SORBS2: variants seen among roughly 807,000 people sequenced by gnomAD.
SORBS2 encodes the protein sorbin and SH3 domain-containing protein 2.
SORBS2 carries 46 observed loss-of-function variants against 97.7 expected under a neutral mutation model. The ratio of observed to expected loss-of-function variants is 0.47; its 90% confidence interval spans 0.37 to 0.60. The LOEUF is 0.60. Among genes scored for constraint, SORBS2 ranks in the 20% least tolerant of loss-of-function variants. The pLI is 0.00. For synonymous variants in SORBS2, 476 were observed against 473.4 expected (o/e 1.01, Z -0.07); for missense variants, 1,316 against 1,282.3 (o/e 1.03, Z -0.40).
chr4:185,713,916 T>C (rs2153550944), intron 2 of SORBS2, among the ~76,000 whole-genome samples: 1 of 152,368 alleles, frequency 6.6e-6, no homozygotes, highest in Non-Finnish European at 1.5e-5. Context: ...CTTTGGACTC[T>C]GACCATTAGC....
At chr4:185,738,793 C>A (rs1003917256) in intron 2 of SORBS2, among the ~76,000 whole-genome samples, 4 of 152,210 alleles carry the variant, frequency 2.6e-5, no homozygotes, top group Admixed American at 6.5e-5. Flanking sequence ...GTGACTCTCA[C>A]AAAGTTCAGG....
chr4:185,827,873 TCGTCACCATCATCAG>T (rs1194082155), intron 1 of SORBS2, among the ~76,000 whole-genome samples: 1 of 145,606 alleles, frequency 6.9e-6, no homozygotes, highest in Non-Finnish European at 1.5e-5. Flanking sequence ...ATCATCATCA[TCGTCACCATCATCAG>T]CGTCACCATC....
chr4:185,803,897 G>A (rs1454191682), intron 1 of SORBS2, among the ~76,000 whole-genome samples: 3 of 152,154 alleles, frequency 2.0e-5, no homozygotes, highest in African/African-American at 7.2e-5. Context: ...TGGTTTCTCT[G>A]ACAAAGAAGA....
At chr4:185,858,327 C>T (rs1481444746) in intron 1 of SORBS2, among the ~76,000 whole-genome samples, 2 of 152,218 alleles carry the variant, frequency 1.3e-5, no homozygotes, top group East Asian at 3.9e-4. Context: ...CCTCACCAGT[C>T]TTGGACTTCC....
At chr4:185,656,852 T>C in exon 1 of SORBS2, 4 of 1,333,982 alleles carry the variant, frequency 3.0e-6, no homozygotes, top group Non-Finnish European at 3.8e-6. Context: ...CCAGGAGAGC[T>C]CTCAGCAGGC....
chr4:185,612,459 C>T lies in SORBS2; in HGVS notation c.2596-479G>A, dbSNP rs140553104. ...AAAACACCTCTAGAAGGGAGAACAT[C>T]GAATGGTACACCGTTTTCTTTTTTT... On this transcript the variant is annotated intron_variant, in intron 11 of 14. Coordinates refer to ENST00000418609, the Ensembl canonical transcript of SORBS2. Among the ~76,000 whole-genome samples, 342 of 151,446 alleles carry T rather than the reference C, an allele frequency of 2.3e-3. 2 individuals are homozygous for T. Among genetic ancestry groups the T allele is most frequent in the African/African-American group, 7.8e-3 (323 of 41,280 alleles).
At chr4:185,826,529 T>C (rs2099199911) in intron 1 of SORBS2, among the ~76,000 whole-genome samples, 1 of 152,210 alleles carries the variant, frequency 6.6e-6, no homozygotes, top group Non-Finnish European at 1.5e-5. Context: ...TGTGAGCTAC[T>C]GAGGATATGC....
chr4:185,665,966 G>A, intron 4 of SORBS2: 1 of 1,260,162 alleles, frequency 7.9e-7, no homozygotes, highest in South Asian at 1.3e-5. Context: ...GGAGCTGGGA[G>A]CAGGTGTTTG....
At chr4:185,925,579 G>A (rs1476450161) in intron 1 of SORBS2, among the ~76,000 whole-genome samples, 1 of 152,082 alleles carries the variant, frequency 6.6e-6, no homozygotes, top group Non-Finnish European at 1.5e-5. Flanking sequence ...ATTTGTTCAT[G>A]TCTATTTAAA....
intron 1 of SORBS2, among the ~76,000 whole-genome samples, chr4:185,827,288 C>T (rs62652495): frequency 0.11 from 124 of 1,116 alleles, no homozygotes; most frequent in East Asian, 0.29. Context: ...ATCATCATCA[C>T]CATCATCATC....
chr4:185,841,445 C>G (rs72705748), intron 1 of SORBS2, among the ~76,000 whole-genome samples: 17,442 of 152,132 alleles, frequency 0.11, 1,163 homozygotes, highest in Non-Finnish European at 0.16. Flanking sequence ...GTTTCAATAC[C>G]TTTCTTCCCT....
At chr4:185,868,410 C>T (rs1381972170) in intron 1 of SORBS2, among the ~76,000 whole-genome samples, 2 of 151,874 alleles carry the variant, frequency 1.3e-5, no homozygotes, top group Non-Finnish European at 2.9e-5. Flanking sequence ...CCCACCTCGG[C>T]CTCCCAAAGT....
At chr4:185,630,852 C>G (rs2096895092) in intron 4 of SORBS2, among the ~76,000 whole-genome samples, 2 of 152,072 alleles carry the variant, frequency 1.3e-5, no homozygotes, top group South Asian at 4.1e-4. Context: ...ACAACCCAAG[C>G]ATTGCATGGG....
intron 2 of SORBS2, 24 bp from the exon 11 acceptor site, chr4:185,651,852 A>T: frequency 8.9e-7 from 1 of 1,127,626 alleles, no homozygotes; most frequent in South Asian, 1.3e-5. Flanking sequence ...CATAAATATT[A>T]TGGTAATATA....
chr4:185,639,022 G>A, intron 4 of SORBS2: 1 of 1,516,842 alleles, frequency 6.6e-7, no homozygotes, highest in Non-Finnish European at 8.8e-7. Flanking sequence ...TGTCGGAGTT[G>A]TTGGGAGAGG....
At chr4:185,807,101 T>G (rs531864593) in intron 1 of SORBS2, among the ~76,000 whole-genome samples, 84 of 152,182 alleles carry the variant, frequency 5.5e-4, no homozygotes, top group African/African-American at 1.8e-3. Context: ...AATCAAAAAT[T>G]TAATAAGTAG....
intron 2 of SORBS2, among the ~76,000 whole-genome samples, chr4:185,716,749 G>C (rs2098468545): frequency 6.6e-6 from 1 of 152,118 alleles, no homozygotes; most frequent in Non-Finnish European, 1.5e-5. Context: ...CAGCTCCCTG[G>C]ATTGAGTGGG....
At chr4:185,955,909 T>C (rs887938238) in intron 1 of SORBS2, among the ~76,000 whole-genome samples, 12 of 152,028 alleles carry the variant, frequency 7.9e-5, no homozygotes, top group Admixed American at 4.6e-4. Context: ...CAGAATGTGA[T>C]GGTTGAAAGC....
chr4:185,792,191 G>T (rs1049715140), intron 1 of SORBS2, among the ~76,000 whole-genome samples: 1 of 152,138 alleles, frequency 6.6e-6, no homozygotes, highest in Non-Finnish European at 1.5e-5. Flanking sequence ...TTTTCATAAC[G>T]TTAAGTAGAT....
Sources: allele counts gnomAD v4.1 joint callset (sites outside exome capture counted in the v4.1 genomes callset), GRCh38; gene constraint gnomAD v4.1.1; transcripts MANE v1.5; gene names NCBI Gene and HGNC (gene_info 2026-07-23, HGNC 2026-07-21).